The following NTM variants were observed in gnomAD, a reference collection of about 807,000 sequenced individuals.
NTM encodes IgLON family member 2.
In NTM, 13 loss-of-function variants were observed where a neutral mutation model predicts 42.1. The observed-to-expected ratio is 0.31, with a 90% confidence interval of 0.20 to 0.49. The LOEUF is 0.49. Ranked by LOEUF, NTM falls within the 20% of genes least tolerant of loss-of-function variation. The pLI, the probability that NTM is intolerant of heterozygous loss-of-function variation, is 0.99. For synonymous variants in NTM, 187 were observed against 179.2 expected, an observed-to-expected ratio of 1.04 and a Z score of -0.35; for missense variants, 373 against 452.8, an observed-to-expected ratio of 0.82 and a Z score of 1.60.
At chr11:132,118,970 A>G (rs369563842) in intron 2 of NTM, among the ~76,000 whole-genome samples, 118 of 152,234 alleles carry the variant, frequency 7.8e-4, no homozygotes, top group South Asian at 7.3e-3. Flanking sequence ...TAGATAGTGT[A>G]TAGTAGAAGC....
intron 1 of NTM, among the ~76,000 whole-genome samples, chr11:131,524,150 G>C (rs569820550): frequency 2.0e-5 from 3 of 152,324 alleles, no homozygotes; most frequent in African/African-American, 7.2e-5. Context: ...AATGACATTT[G>C]CCTGGTGACT....
intron 8 of NTM, 53 bp downstream of exon 8, chr11:132,330,238 ACT>A: frequency 6.5e-7 from 1 of 1,536,766 alleles, no homozygotes; most frequent in Non-Finnish European, 8.8e-7. Context: ...GGTATGTAAA[ACT>A]CTTCACCTTC....
chr11:132,116,371 G>T (rs1052150731), intron 2 of NTM, among the ~76,000 whole-genome samples: 3 of 152,168 alleles, frequency 2.0e-5, no homozygotes, highest in Admixed American at 2.0e-4. Flanking sequence ...CAGAAGTGGG[G>T]GGTGATACTT....
At chr11:131,936,752 A>G (rs2059263938) in intron 2 of NTM, among the ~76,000 whole-genome samples, 1 of 152,184 alleles carries the variant, frequency 6.6e-6, no homozygotes, top group South Asian at 2.1e-4. Context: ...AATTCTCACT[A>G]TGATACGTCA....
At chr11:131,451,770 TC>T (rs1214956591) in intron 1 of NTM, among the ~76,000 whole-genome samples, 1 of 151,478 alleles carries the variant, frequency 6.6e-6, no homozygotes, top group Non-Finnish European at 1.5e-5. Flanking sequence ...GACCCTGGGG[TC>T]CCCCAGGGCT....
intron 1 of NTM, among the ~76,000 whole-genome samples, chr11:131,629,282 G>A (rs1384697520): frequency 6.6e-6 from 1 of 152,024 alleles, no homozygotes; most frequent in Non-Finnish European, 1.5e-5. Context: ...GAATGTCTAT[G>A]TCATTTCAAA....
chr11:131,868,657 CTG>C, intron 1 of NTM, among the ~76,000 whole-genome samples: 1 of 152,344 alleles, frequency 6.6e-6, no homozygotes, highest in African/African-American at 2.4e-5. Context: ...ACCCTGAGCT[CTG>C]TGTCACTCTA....
At chr11:132,104,120 C>T (rs1036814161) in intron 2 of NTM, among the ~76,000 whole-genome samples, 1 of 152,166 alleles carries the variant, frequency 6.6e-6, no homozygotes, top group Non-Finnish European at 1.5e-5. Context: ...GGCACAACTC[C>T]TGGCACCTAG....
At chr11:131,411,293 T>A (rs2135753812) in intron 1 of NTM, among the ~76,000 whole-genome samples, 1 of 152,266 alleles carries the variant, frequency 6.6e-6, no homozygotes, top group African/African-American at 2.4e-5. Flanking sequence ...ACCTCCAGAT[T>A]TTCAAAAGCA....
At chr11:132,302,396 C>CTGTT (rs1426397161) in intron 4 of NTM, among the ~76,000 whole-genome samples, 1 of 152,144 alleles carries the variant, frequency 6.6e-6, no homozygotes, top group Non-Finnish European at 1.5e-5. Flanking sequence ...AAAATCTTTT[C>CTGTT]TGTTAGAACA....
chr11:131,444,386 T>C (rs142287618), intron 1 of NTM, among the ~76,000 whole-genome samples: 22 of 152,198 alleles, frequency 1.4e-4, no homozygotes, highest in African/African-American at 4.8e-4. Flanking sequence ...ATGCTGCAGA[T>C]GGTTCGAGTA....
chr11:131,425,863 A>G (rs79810216), intron 1 of NTM, among the ~76,000 whole-genome samples: 1,865 of 152,198 alleles, frequency 0.012, 36 homozygotes, highest in African/African-American at 0.043. Flanking sequence ...TGGGAGGAAC[A>G]ATAAAGTTAT....
intron 2 of NTM, among the ~76,000 whole-genome samples, chr11:131,917,597 G>A (rs972673802): frequency 2.0e-5 from 3 of 152,200 alleles, no homozygotes; most frequent in Admixed American, 6.5e-5. Context: ...ACACAGAAAA[G>A]CACTCTGCTC....
At chr11:131,556,366 A>G (rs2055412602) in intron 1 of NTM, among the ~76,000 whole-genome samples, 2 of 152,222 alleles carry the variant, frequency 1.3e-5, no homozygotes, top group Admixed American at 6.5e-5. Context: ...CATGAAAAGC[A>G]GAGTATTATA....
chr11:131,507,599 C>A (rs2047650079), intron 1 of NTM, among the ~76,000 whole-genome samples: 1 of 150,350 alleles, frequency 6.7e-6, no homozygotes, highest in Admixed American at 6.6e-5. Context: ...TGAAGAAAGT[C>A]ATTGGTAGCT....
chr11:132,249,824 C>T (rs1482419787), intron 4 of NTM, among the ~76,000 whole-genome samples: 1 of 152,220 alleles, frequency 6.6e-6, no homozygotes, highest in African/African-American at 2.4e-5. Flanking sequence ...TTACCTTCCC[C>T]CCGATAATCC....
intron 1 of NTM, among the ~76,000 whole-genome samples, chr11:131,451,970 C>T (rs1204979862): frequency 2.0e-5 from 3 of 152,158 alleles, no homozygotes; most frequent in East Asian, 3.9e-4. Context: ...GCCGGCAAAG[C>T]CTGAGACACC....
intron 1 of NTM, among the ~76,000 whole-genome samples, chr11:131,720,360 A>C (rs528426596): frequency 1.3e-5 from 2 of 152,138 alleles, no homozygotes; most frequent in South Asian, 4.1e-4. Context: ...GAGAATCTTT[A>C]CCTTTGGACA....
intron 1 of NTM, among the ~76,000 whole-genome samples, chr11:131,579,651 C>G (rs191772002): frequency 2.3e-4 from 34 of 149,622 alleles, no homozygotes; most frequent in African/African-American, 8.7e-4. Context: ...GTGGTTGATC[C>G]TTGCTCATTT....
Sources: allele counts gnomAD v4.1 joint callset (sites outside exome capture counted in the v4.1 genomes callset), GRCh38; gene constraint gnomAD v4.1.1; transcripts MANE v1.5; gene names NCBI Gene and HGNC (gene_info 2026-07-23, HGNC 2026-07-21).